The following CDC73 variants were observed in gnomAD, a reference collection of about 807,000 sequenced individuals.
The protein encoded by CDC73 is cell division cycle 73, also known as parafibromin.
CDC73 carries 21 observed loss-of-function variants against 83.7 expected under a neutral mutation model. That is an observed-to-expected ratio of 0.25 (90% CI 0.18 to 0.36). The LOEUF is 0.36. Ranked by LOEUF, CDC73 falls within the 10% of genes least tolerant of loss-of-function variation. The probability of loss-of-function intolerance (pLI) is 1.00; values close to 1 mark genes in which losing one functional copy is unlikely to be tolerated. For missense variants in CDC73, 342 were observed against 653.3 expected (o/e 0.52, Z 5.19); for synonymous variants, 224 against 212.9 (o/e 1.05, Z -0.45).
intron 15 of CDC73, among the ~76,000 whole-genome samples, chr1:193,244,773 T>C (rs1440049737): frequency 2.0e-5 from 3 of 152,150 alleles, no homozygotes; most frequent in Non-Finnish European, 4.4e-5. Flanking sequence ...CTAAATACTA[T>C]TGACAAAAAC....
chr1:193,153,766 T>G (rs1676160804), intron 10 of CDC73, among the ~76,000 whole-genome samples: 1 of 152,214 alleles, frequency 6.6e-6, no homozygotes, highest in East Asian at 1.9e-4. Flanking sequence ...AAGTACTTAT[T>G]GAGCATTTGT....
At chr1:193,228,460 C>T (rs1382296326) in intron 13 of CDC73, among the ~76,000 whole-genome samples, 1 of 152,098 alleles carries the variant, frequency 6.6e-6, no homozygotes, top group African/African-American at 2.4e-5. Flanking sequence ...TGCAATAATC[C>T]ACACAATGTA....
chr1:193,197,149 G>A (rs1055484383), intron 10 of CDC73, among the ~76,000 whole-genome samples: 2 of 152,126 alleles, frequency 1.3e-5, no homozygotes, highest in Admixed American at 1.3e-4. Context: ...TAATGAAAGA[G>A]TATTAATTTT....
chr1:193,245,855 G>A (rs1438202567), intron 15 of CDC73, among the ~76,000 whole-genome samples: 1 of 152,100 alleles, frequency 6.6e-6, no homozygotes, highest in African/African-American at 2.4e-5. Flanking sequence ...ATACCTCATT[G>A]TGGTTTTGAT....
At chr1:193,195,397 T>A (rs1356540148) in intron 10 of CDC73, among the ~76,000 whole-genome samples, 1 of 152,142 alleles carries the variant, frequency 6.6e-6, no homozygotes, top group Non-Finnish European at 1.5e-5. Flanking sequence ...TCTGTTCATG[T>A]GTTGACGTTC....
At chr1:193,135,652 A>G in intron 5 of CDC73, 63 bp downstream of exon 5, 1 of 1,343,576 alleles carries the variant, frequency 7.4e-7, no homozygotes, top group African/African-American at 1.5e-5. Flanking sequence ...ATTCTTTAGT[A>G]ACAAGGATTC....
intron 10 of CDC73, among the ~76,000 whole-genome samples, chr1:193,166,945 G>A (rs1307338464): frequency 2.0e-5 from 3 of 152,044 alleles, no homozygotes; most frequent in Non-Finnish European, 4.4e-5. Flanking sequence ...ATTTCTTTTT[G>A]GGTGTGAGGG....
chr1:193,237,741 T>A (rs997706663), intron 15 of CDC73, among the ~76,000 whole-genome samples: 2 of 152,114 alleles, frequency 1.3e-5, no homozygotes, highest in Admixed American at 1.3e-4. Context: ...CTGCTGTGAC[T>A]CTTTACGGCA....
chr1:193,139,981 A>G (rs1468618214), intron 6 of CDC73, among the ~76,000 whole-genome samples: 1 of 152,192 alleles, frequency 6.6e-6, no homozygotes, highest in African/African-American at 2.4e-5. Flanking sequence ...GCTAGTCAGA[A>G]TTCTGCTGGG....
chr1:193,192,836 G>A (rs765383132), intron 10 of CDC73, among the ~76,000 whole-genome samples: 2 of 152,190 alleles, frequency 1.3e-5, no homozygotes, highest in South Asian at 2.1e-4. Flanking sequence ...GTCACCCTCC[G>A]CTGGAGAGAG....
chr1:193,128,049 A>G (rs893081816), intron 2 of CDC73: 5 of 152,134 alleles, frequency 3.3e-5, no homozygotes, highest in Admixed American at 2.6e-4. Context: ...TCGACCTCCC[A>G]AAGTGTTGGG....
intron 10 of CDC73, among the ~76,000 whole-genome samples, chr1:193,185,125 A>T (rs1012583909): frequency 1.3e-5 from 2 of 151,980 alleles, no homozygotes; most frequent in African/African-American, 4.8e-5. Context: ...TTTATATTTA[A>T]TTTTTTGACC....
intron 9 of CDC73, 55 bp downstream of exon 9, chr1:193,150,437 G>A (rs181170580): frequency 2.4e-6 from 3 of 1,236,576 alleles, no homozygotes; most frequent in Non-Finnish European, 3.6e-6. Context: ...AACTTGAGAG[G>A]CAGTGTGGCC....
rs573752666 is a variant in CDC73 at position 193,253,237 on chromosome 1, A to G, written c.*2525A>G. 6.5e-5 allele frequency: 15 copies of G among 232,460 alleles called. No individual in the cohort carries two copies. The South Asian group carries it at 2.7e-3, about 42-fold the overall frequency. The allele number at this position is 232,460 out of a possible 1,614,324, so 14.4% of individuals were successfully genotyped here. On this transcript the variant is annotated 3_prime_UTR_variant, in exon 17 of 17. Transcript: ENST00000367435. ...TGCCTGAATCTTGATTCCCATTTTC[A>G]TGTAATTTGAGACAAGACCTGGTCA...
At chr1:193,220,284 C>G (rs1677445224) in intron 13 of CDC73, among the ~76,000 whole-genome samples, 1 of 151,208 alleles carries the variant, frequency 6.6e-6, no homozygotes. Flanking sequence ...CTCCTTCAGC[C>G]TCCTGAGTAG....
intron 13 of CDC73, among the ~76,000 whole-genome samples, chr1:193,224,161 C>T (rs1221365551): frequency 2.0e-5 from 3 of 151,970 alleles, no homozygotes; most frequent in African/African-American, 7.2e-5. Flanking sequence ...CCCACCCTTC[C>T]TGGTCTCTGA....
chr1:193,176,658 G>T (rs1477782489), intron 10 of CDC73, among the ~76,000 whole-genome samples: 8 of 152,088 alleles, frequency 5.3e-5, no homozygotes, highest in Non-Finnish European at 1.5e-5. Context: ...CTGTCAATAG[G>T]AATTTTTTTT....
At chr1:193,243,397 T>C (rs889012787) in intron 15 of CDC73, among the ~76,000 whole-genome samples, 1 of 152,248 alleles carries the variant, frequency 6.6e-6, no homozygotes, top group African/African-American at 2.4e-5. Context: ...TTTTAAAAAT[T>C]AGTGACTTAC....
chr1:193,178,539 T>C (rs766444595), intron 10 of CDC73, among the ~76,000 whole-genome samples: 1 of 152,218 alleles, frequency 6.6e-6, no homozygotes, highest in Non-Finnish European at 1.5e-5. Context: ...TTTTGAAGCA[T>C]AAATCAGCAT....
Sources: gnomAD v4.1 joint callset for allele counts (sites outside exome capture counted in the v4.1 genomes callset) on GRCh38, gnomAD v4.1.1 for gene constraint, MANE v1.5 for transcripts, NCBI Gene and HGNC (gene_info 2026-07-23, HGNC 2026-07-21) for gene names.